GPC5: variants seen among roughly 807,000 people sequenced by gnomAD.
The protein encoded by GPC5 is glypican 5, also known as glypican-5.
A neutral mutation model predicts 53.9 loss-of-function variants in GPC5; 47 were observed. That is an observed-to-expected ratio of 0.87 (90% CI 0.69 to 1.11). The LOEUF is 1.11. Among genes scored for constraint, GPC5 ranks in the 50% most tolerant of loss-of-function variants. GPC5 has a pLI of 0.00. For synonymous variants in GPC5, 286 were observed against 263.3 expected, an observed-to-expected ratio of 1.09 and a Z score of -0.84; for missense variants, 748 against 713.1, an observed-to-expected ratio of 1.05 and a Z score of -0.56.
intron 5 of GPC5, among the ~76,000 whole-genome samples, chr13:91,778,240 A>C (rs900735529): frequency 6.6e-6 from 1 of 152,190 alleles, no homozygotes; most frequent in Non-Finnish European, 1.5e-5. Context: ...AAACTAGAGC[A>C]AAGTCTTCAG....
At chr13:91,567,358 G>C (rs1302630949) in intron 2 of GPC5, among the ~76,000 whole-genome samples, 1 of 152,114 alleles carries the variant, frequency 6.6e-6, no homozygotes, top group Non-Finnish European at 1.5e-5. Flanking sequence ...TCTACACTTA[G>C]TGTATTTCTA....
chr13:91,468,673 A>G (rs1882405938), intron 2 of GPC5, among the ~76,000 whole-genome samples: 1 of 152,020 alleles, frequency 6.6e-6, no homozygotes, highest in African/African-American at 2.4e-5. Flanking sequence ...GAATCCATAA[A>G]TTTCTCTTGT....
chr13:91,791,083 T>A (rs1346842534), intron 5 of GPC5, among the ~76,000 whole-genome samples: 1 of 152,262 alleles, frequency 6.6e-6, no homozygotes, highest in African/African-American at 2.4e-5. Flanking sequence ...TACTCACTTC[T>A]TGGCTGATTT....
intron 2 of GPC5, among the ~76,000 whole-genome samples, chr13:91,648,039 G>T (rs577856557): frequency 6.6e-6 from 1 of 152,252 alleles, no homozygotes; most frequent in South Asian, 2.1e-4. Flanking sequence ...CCTCCTCTGT[G>T]TTGCTTTCTT....
intron 7 of GPC5, among the ~76,000 whole-genome samples, chr13:92,751,509 A>T (rs1889397818): frequency 6.7e-6 from 1 of 149,460 alleles, no homozygotes; most frequent in African/African-American, 2.5e-5. Flanking sequence ...CAGCAGCTGC[A>T]CTTATACATC....
At chr13:92,692,759 T>TTTTTTTTTTTTTTTTTTTTTTTTTTTG (rs1566366407) in intron 7 of GPC5, among the ~76,000 whole-genome samples, 11 of 142,110 alleles carry the variant, frequency 7.7e-5, no homozygotes, top group African/African-American at 2.9e-4. Flanking sequence ...CGGCTATTTT[T>TTTTTTTTTTTTTTTTTTTTTTTTTTTG]TTTTTTTTTT....
chr13:91,820,845 C>T (rs1297599288), intron 5 of GPC5, among the ~76,000 whole-genome samples: 1 of 152,048 alleles, frequency 6.6e-6, no homozygotes, highest in Admixed American at 6.6e-5. Flanking sequence ...CGCCTGTAGT[C>T]ACAGCTACTC....
chr13:91,613,140 C>G (rs895348882), intron 2 of GPC5, among the ~76,000 whole-genome samples: 40 of 152,158 alleles, frequency 2.6e-4, no homozygotes, highest in Admixed American at 2.4e-3. Context: ...CAAATACACC[C>G]TATTCAATAT....
chr13:92,317,621 G>A (rs2043188100), intron 7 of GPC5, among the ~76,000 whole-genome samples: 1 of 152,032 alleles, frequency 6.6e-6, no homozygotes, highest in Admixed American at 6.6e-5. Context: ...AGCCTCCTGA[G>A]AAGCTGGGCT....
intron 7 of GPC5, among the ~76,000 whole-genome samples, chr13:92,358,807 G>T (rs1284786262): frequency 6.6e-6 from 1 of 151,776 alleles, no homozygotes; most frequent in Non-Finnish European, 1.5e-5. Flanking sequence ...AGGGCAGCGG[G>T]GCCCTGGGCC....
intron 2 of GPC5, among the ~76,000 whole-genome samples, chr13:91,670,115 T>A (rs970301983): frequency 6.6e-6 from 1 of 152,078 alleles, no homozygotes; most frequent in Non-Finnish European, 1.5e-5. Flanking sequence ...GAGAGATTGA[T>A]CTGATGGAAG....
At chr13:92,613,419 A>ATATTTTATATTATATATAAATG (rs1566320474) in intron 7 of GPC5, among the ~76,000 whole-genome samples, 2 of 54,704 alleles carry the variant, frequency 3.7e-5, no homozygotes, top group African/African-American at 1.3e-4. Flanking sequence ...ATATATAAAT[A>ATATTTTATATTATATATAAATG]TGATATATAT....
At chr13:92,038,582 T>C (rs1397575135) in intron 6 of GPC5, among the ~76,000 whole-genome samples, 2 of 150,596 alleles carry the variant, frequency 1.3e-5, no homozygotes, top group Non-Finnish European at 3.0e-5. Flanking sequence ...TACTATAGTA[T>C]AGATCATGCT....
intron 7 of GPC5, among the ~76,000 whole-genome samples, chr13:92,276,482 A>G (rs1487150000): frequency 6.6e-6 from 1 of 152,122 alleles, no homozygotes; most frequent in Non-Finnish European, 1.5e-5. Context: ...CAGTTAAAAG[A>G]TTCAAAAAAC....
chr13:91,830,793 TTATATA>T (rs3029825), intron 5 of GPC5, among the ~76,000 whole-genome samples: 4 of 131,214 alleles, frequency 3.0e-5, no homozygotes, highest in Non-Finnish European at 4.8e-5. Context: ...ATATATACTA[TTATATA>T]TATAATATAT....
intron 7 of GPC5, among the ~76,000 whole-genome samples, chr13:92,194,892 G>C (rs1256117001): frequency 6.6e-6 from 1 of 152,150 alleles, no homozygotes; most frequent in Non-Finnish European, 1.5e-5. Context: ...ATGGCTAACA[G>C]CACAAATTCA....
At chr13:92,719,802 CT>C (rs951951919) in intron 7 of GPC5, 3 of 152,152 alleles carry the variant, frequency 2.0e-5, no homozygotes, top group Non-Finnish European at 1.5e-5. Context: ...TACACACCTT[CT>C]GTTCAAACAC....
At chr13:92,432,562 A>G (rs997874749) in intron 7 of GPC5, among the ~76,000 whole-genome samples, 2 of 149,730 alleles carry the variant, frequency 1.3e-5, no homozygotes, top group Admixed American at 1.3e-4. Flanking sequence ...TTTTAAATAG[A>G]GACGTGATTT....
intron 7 of GPC5, among the ~76,000 whole-genome samples, chr13:92,784,795 G>A (rs572681579): frequency 1.1e-4 from 16 of 152,116 alleles, no homozygotes; most frequent in African/African-American, 3.1e-4. Flanking sequence ...GTTATCTTCC[G>A]ATTAAAAAGA....
Sources: gnomAD v4.1 joint callset for allele counts (sites outside exome capture counted in the v4.1 genomes callset) on GRCh38, gnomAD v4.1.1 for gene constraint, MANE v1.5 for transcripts, NCBI Gene and HGNC (gene_info 2026-07-23, HGNC 2026-07-21) for gene names.